The following DMD variants were observed in gnomAD, a reference collection of about 807,000 sequenced individuals.
DMD encodes dystrophin.
DMD carries 63 observed loss-of-function variants against 330.1 expected under a neutral mutation model. That is an observed-to-expected ratio of 0.19 (90% CI 0.16 to 0.24). DMD has a LOEUF of 0.24. DMD is among the 10% of genes least tolerant of loss of function. DMD has a pLI of 1.00. For missense variants in DMD, 3,344 were observed against 2,684.1 expected (o/e 1.25, Z -5.43); for synonymous variants, 1,223 against 959.8 (o/e 1.27, Z -5.07).
At chrX:32,286,557 TCAGGGTTTCATTCTCAA>T (rs2097442541) in intron 43 of DMD, among the ~76,000 whole-genome samples, 1 of 110,367 alleles carries the variant, frequency 9.1e-6, no homozygotes. Context: ...AATTAAGGAG[TCAGGGTTTCATTCTCAA>T]GGGAATGAGA....
intron 11 of DMD, among the ~76,000 whole-genome samples, chrX:32,625,583 T>A (rs1258265852): frequency 8.9e-6 from 1 of 112,318 alleles, no homozygotes; most frequent in Non-Finnish European, 1.9e-5. Context: ...TTTTAAAATT[T>A]TCATTTTCCA....
At chrX:32,150,432 G>A (rs1239933213) in intron 44 of DMD, among the ~76,000 whole-genome samples, 1 of 111,312 alleles carries the variant, frequency 9.0e-6, no homozygotes, top group African/African-American at 3.3e-5. Context: ...CGCTGGTGGT[G>A]GCATACCTAA....
At chrX:32,662,656 T>G (rs1396034983) in intron 9 of DMD, among the ~76,000 whole-genome samples, 2 of 111,251 alleles carry the variant, frequency 1.8e-5, no homozygotes, top group Admixed American at 9.6e-5. Context: ...ATTCTGGGAG[T>G]AGTTTATCAG....
intron 44 of DMD, among the ~76,000 whole-genome samples, chrX:31,997,244 G>A (rs761734702): frequency 3.6e-5 from 4 of 110,714 alleles, no homozygotes; most frequent in African/African-American, 6.6e-5. Context: ...TATGATCTTC[G>A]TCTATAAAAT....
At chrX:31,719,446 T>C (rs5972437) in intron 52 of DMD, among the ~76,000 whole-genome samples, 48,463 of 110,875 alleles carry the variant, frequency 0.44, 8,680 homozygotes, top group African/African-American at 0.66. Context: ...GCCTCCAAAA[T>C]TCAAAAGCTT....
chrX:31,629,166 A>T (rs1298439770), intron 54 of DMD, among the ~76,000 whole-genome samples: 1 of 111,631 alleles, frequency 9.0e-6, no homozygotes, highest in African/African-American at 3.3e-5. Context: ...AATGGATTTT[A>T]AAAAATTGAA....
At chrX:31,755,214 T>C (rs1603460381) in intron 51 of DMD, among the ~76,000 whole-genome samples, 1 of 111,916 alleles carries the variant, frequency 8.9e-6, no homozygotes, top group African/African-American at 3.2e-5. Flanking sequence ...ACTTATGAGA[T>C]TAGTGTTACT....
chrX:32,742,327 C>T (rs2069394541), intron 7 of DMD, among the ~76,000 whole-genome samples: 1 of 111,873 alleles, frequency 8.9e-6, no homozygotes, highest in Admixed American at 9.6e-5. Context: ...TTCGTGCCCA[C>T]TGGGATGTGA....
intron 2 of DMD, among the ~76,000 whole-genome samples, chrX:32,949,357 G>A: frequency 1.2e-5 from 1 of 82,557 alleles, no homozygotes. Flanking sequence ...TAGATAGATA[G>A]ATAGATAGAT....
intron 67 of DMD, among the ~76,000 whole-genome samples, chrX:31,184,382 A>G (rs2041511600): frequency 9.1e-6 from 1 of 109,807 alleles, no homozygotes; most frequent in Admixed American, 9.7e-5. Flanking sequence ...ATCACTGGCC[A>G]TCAGAGAAAT....
rs149081704 is a variant in DMD at position 31,368,734 on chromosome X, C to T, written c.9085-20100G>A. ...AATCTCGGCTCAGTGCAGCCTCTGC[C>T]TCCCGGGTTCAAGAGATTCTCCTGT... On this transcript the variant is annotated intron_variant, in intron 60 of 78. Coordinates refer to ENST00000357033, the MANE Select transcript of DMD (RefSeq NM_004006.3). 6.7e-3 allele frequency among the ~76,000 whole-genome samples: 738 copies of T among 110,305 alleles called. 9 individuals carry two copies. Among genetic ancestry groups the T allele is most frequent in the African/African-American group, 0.023 (696 of 30,244 alleles).
At chrX:32,956,899 T>C (rs1401782133) in intron 2 of DMD, among the ~76,000 whole-genome samples, 2 of 111,948 alleles carry the variant, frequency 1.8e-5, no homozygotes. Flanking sequence ...TCTCTCACTG[T>C]TACAAAGTTT....
intron 47 of DMD, among the ~76,000 whole-genome samples, chrX:31,922,106 G>A (rs987894146): frequency 3.6e-5 from 4 of 111,067 alleles, no homozygotes; most frequent in African/African-American, 6.6e-5. Context: ...TCAGATTATA[G>A]GTCTTAAAAA....
At position 32,610,589 on chromosome X, in the gene DMD, TGAGA is replaced by T. The variant is rs767594971; in HGVS notation, c.1482+3710_1482+3713del. Among the ~76,000 whole-genome samples the T allele has an allele frequency of 2.2e-3, 243 of 110,220 alleles. 1 individual carries two copies. Among genetic ancestry groups the T allele is most frequent in the African/African-American group, 7.0e-3 (213 of 30,511 alleles). Reference sequence around the variant, plus strand: ...AAACATTTTAATCTTGCCCTCCAGTTGAGAGAGAGAGAGCAGGCGACCTCTGATC... The same window carrying T: ...AAACATTTTAATCTTGCCCTCCAGTTGAGAGAGAGCAGGCGACCTCTGATC... On this transcript the variant is annotated intron_variant, in intron 12 of 78. Transcript: ENST00000357033.
chrX:33,088,578 G>A (rs772713547), intron 1 of DMD, among the ~76,000 whole-genome samples: 6 of 110,919 alleles, frequency 5.4e-5, no homozygotes, highest in African/African-American at 1.6e-4. Flanking sequence ...AGAGCTACTC[G>A]GGAGGCTGAG....
At chrX:31,343,922 T>C (rs992393722) in intron 61 of DMD, among the ~76,000 whole-genome samples, 1 of 110,134 alleles carries the variant, frequency 9.1e-6, no homozygotes, top group Non-Finnish European at 1.9e-5. Context: ...GGGGGGAAGC[T>C]GCTTTTATAG....
At chrX:31,621,310 C>T (rs1275018782) in intron 55 of DMD, among the ~76,000 whole-genome samples, 1 of 112,084 alleles carries the variant, frequency 8.9e-6, no homozygotes, top group African/African-American at 3.2e-5. Flanking sequence ...TTCAACCTCA[C>T]CACTTTGATC....
chrX:31,885,334 G>C (rs955651085), intron 47 of DMD, among the ~76,000 whole-genome samples: 4 of 111,147 alleles, frequency 3.6e-5, no homozygotes, highest in Non-Finnish European at 7.5e-5. Flanking sequence ...TCTGGGCCGG[G>C]CGCGGTGGCT....
chrX:31,182,502 G>A (rs1432572210), intron 68 of DMD, among the ~76,000 whole-genome samples: 1 of 111,387 alleles, frequency 9.0e-6, no homozygotes, highest in Non-Finnish European at 1.9e-5. Flanking sequence ...ATGTGGCTCC[G>A]AAGAGCTGAA....
Sources: allele counts gnomAD v4.1 joint callset (sites outside exome capture counted in the v4.1 genomes callset), GRCh38; gene constraint gnomAD v4.1.1; transcripts MANE v1.5; gene names NCBI Gene and HGNC (gene_info 2026-07-23, HGNC 2026-07-21).